Variants in PHACTR3 observed in about 807,000 individuals in gnomAD.
PHACTR3 encodes protein phosphatase 1, regulatory subunit 123.
In PHACTR3, 16 loss-of-function variants were observed where a neutral mutation model predicts 66.8. The ratio of observed to expected loss-of-function variants is 0.24; its 90% confidence interval spans 0.16 to 0.36. The LOEUF (loss-of-function observed/expected upper bound fraction) is 0.36. Ranked by LOEUF, PHACTR3 falls within the 10% of genes least tolerant of loss-of-function variation. The pLI is 1.00. For missense variants in PHACTR3, 647 were observed against 719.9 expected (o/e 0.90, Z 1.16); for synonymous variants, 323 against 292.1 (o/e 1.11, Z -1.08).
intron 1 of PHACTR3, 68 bp downstream of exon 1, chr20:59,605,200 C>T (rs987039951): frequency 5.4e-6 from 6 of 1,108,280 alleles, no homozygotes; most frequent in African/African-American, 4.9e-5. Context: ...GAGAGCAGGA[C>T]CCCGCGAGGC....
chr20:59,665,028 G>C (rs1353467850), intron 1 of PHACTR3, among the ~76,000 whole-genome samples: 1 of 152,088 alleles, frequency 6.6e-6, no homozygotes, highest in Non-Finnish European at 1.5e-5. Flanking sequence ...GATTTATTTG[G>C]TTTTATTTTA....
chr20:59,749,465 G>C (rs2039497335), intron 3 of PHACTR3, among the ~76,000 whole-genome samples: 1 of 152,198 alleles, frequency 6.6e-6, no homozygotes, highest in Non-Finnish European at 1.5e-5. Flanking sequence ...AGTCATAGCA[G>C]AGGCTGGAGA....
rs1285480192 is a variant in PHACTR3 at position 59,774,293 on chromosome 20, G to C, written c.977G>C (p.Arg326Pro). The C allele has an allele frequency of 6.2e-7, 1 of 1,610,472 alleles. No homozygotes were observed. The highest frequency in any genetic ancestry group is 1.7e-5 in the Admixed American group (1 of 59,128). The change falls in exon 7 of 13, where the codon CGT (arginine) becomes CCT (proline). Residue 326 changes from arginine to proline, a missense_variant. Coordinates refer to ENST00000371015, the MANE Select transcript of PHACTR3 (RefSeq NM_080672.5). ...KGSPKKRLDV[R>P]LSRTSSVERG... is the part of the protein sequence containing the mutation. ...TCTCCAAAGAAGCGGCTGGATGTCC[G>C]TCTGTCGAGAACGTCCAGCGTGGAG...
intron 1 of PHACTR3, among the ~76,000 whole-genome samples, chr20:59,689,120 G>A (rs753010033): frequency 9.8e-5 from 15 of 152,352 alleles, no homozygotes; most frequent in Admixed American, 4.6e-4. Flanking sequence ...TCTCTGCTGT[G>A]TGCAGGCTTT....
Position 59,747,855 on chromosome 20 carries a change from G to A in PHACTR3, c.358+20G>A. ...AGCAGGGTAAGTGGGACCCGTCCCT[G>A]GCTTGGAAGGGCACGGTGCTGGGAA... is the stretch of plus-strand genomic sequence containing the variant. On this transcript the variant is annotated intron_variant, in intron 3 of 12. Transcript: ENST00000371015. 2 of 1,611,196 alleles carry A rather than the reference G, an allele frequency of 1.2e-6. No homozygotes were observed. Among genetic ancestry groups the A allele is most frequent in the Non-Finnish European group, 1.7e-6 (2 of 1,177,948 alleles).
intron 1 of PHACTR3, among the ~76,000 whole-genome samples, chr20:59,681,339 G>A (rs1223361100): frequency 1.3e-5 from 2 of 152,148 alleles, no homozygotes; most frequent in East Asian, 3.9e-4. Flanking sequence ...GTGGAGTCTA[G>A]AGTACATGTG....
chr20:59,578,115 C>T (rs1170371387), intron 1 of PHACTR3, among the ~76,000 whole-genome samples: 1 of 152,238 alleles, frequency 6.6e-6, no homozygotes, highest in Non-Finnish European at 1.5e-5. Flanking sequence ...ACTGGCCCCT[C>T]GCCCCCTGCT....
rs748219728 is a variant in PHACTR3 at position 59,846,886 on chromosome 20, C to CT, written c.1665-228dup. On this transcript the variant is annotated intron_variant, in intron 12 of 12. Transcript: ENST00000371015. Reference sequence around the variant, plus strand: ...GGGCTTTTAACTCACAGGTTTAAAACTAAGTTCTAGATAGTCCTAAGAATT... The same window carrying CT: ...GGGCTTTTAACTCACAGGTTTAAAACTTAAGTTCTAGATAGTCCTAAGAATT... 2.0e-5 allele frequency among the ~76,000 whole-genome samples: 3 copies of CT among 152,296 alleles called. No homozygotes were observed. In the East Asian group the frequency reaches 5.8e-4, roughly 29 times the overall value.
intron 4 of PHACTR3, among the ~76,000 whole-genome samples, chr20:59,765,977 T>A (rs1320741380): frequency 6.6e-6 from 1 of 152,110 alleles, no homozygotes. Context: ...CACTCAAGAG[T>A]GTGCTGAGAG....
chr20:59,634,441 G>A (rs2034776897), intron 1 of PHACTR3, among the ~76,000 whole-genome samples: 1 of 152,166 alleles, frequency 6.6e-6, no homozygotes, highest in Non-Finnish European at 1.5e-5. Flanking sequence ...CAGAGTAACA[G>A]GTTAGGAGTG....
intron 1 of PHACTR3, among the ~76,000 whole-genome samples, chr20:59,707,622 A>G (rs1347438155): frequency 6.6e-6 from 1 of 151,948 alleles, no homozygotes; most frequent in Admixed American, 6.6e-5. Context: ...CATGCCACCA[A>G]GCCTGGCTAA....
At chr20:59,587,571 G>A (rs1254589240) in intron 1 of PHACTR3, among the ~76,000 whole-genome samples, 1 of 152,252 alleles carries the variant, frequency 6.6e-6, no homozygotes, top group Non-Finnish European at 1.5e-5. Context: ...TGGGTCAGGG[G>A]TGCAGGTGGG....
intron 1 of PHACTR3, among the ~76,000 whole-genome samples, chr20:59,650,249 G>T (rs553285833): frequency 6.6e-6 from 1 of 152,202 alleles, no homozygotes; most frequent in East Asian, 1.9e-4. Flanking sequence ...AATTAATAAG[G>T]TATGTGTGTA....
chr20:59,758,801 G>A (rs1266168236), intron 4 of PHACTR3, among the ~76,000 whole-genome samples: 1 of 152,136 alleles, frequency 6.6e-6, no homozygotes, highest in Non-Finnish European at 1.5e-5. Flanking sequence ...ACTGAGCTGT[G>A]GGACCATGGG....
chr20:59,657,176 C>T (rs1438414538), intron 1 of PHACTR3, among the ~76,000 whole-genome samples: 1 of 151,896 alleles, frequency 6.6e-6, no homozygotes, highest in East Asian at 1.9e-4. Flanking sequence ...TCCAATTCAT[C>T]TTTGCTCCCA....
chr20:59,826,170 G>T (rs1015802739), intron 8 of PHACTR3, among the ~76,000 whole-genome samples: 5 of 141,484 alleles, frequency 3.5e-5, no homozygotes, highest in Non-Finnish European at 7.7e-5. Context: ...GGAGGACAAG[G>T]TATGGGGAGG....
intron 4 of PHACTR3, among the ~76,000 whole-genome samples, chr20:59,762,939 G>A (rs1004577039): frequency 2.0e-5 from 3 of 152,226 alleles, no homozygotes; most frequent in Non-Finnish European, 4.4e-5. Flanking sequence ...AGAGAAGGAT[G>A]GCGTGGGGCA....
At chr20:59,740,220 TA>T (rs1348730841) in intron 1 of PHACTR3, among the ~76,000 whole-genome samples, 3 of 152,208 alleles carry the variant, frequency 2.0e-5, no homozygotes, top group African/African-American at 7.2e-5. Flanking sequence ...TCTAGACATA[TA>T]GATAATATTA....
At chr20:59,712,432 G>A (rs1354796158) in intron 1 of PHACTR3, among the ~76,000 whole-genome samples, 1 of 152,124 alleles carries the variant, frequency 6.6e-6, no homozygotes, top group African/African-American at 2.4e-5. Flanking sequence ...GCTTTGAGAT[G>A]CATTTCCAGG....
Sources: gnomAD v4.1 joint callset for allele counts (sites outside exome capture counted in the v4.1 genomes callset) on GRCh38, gnomAD v4.1.1 for gene constraint, MANE v1.5 for transcripts, NCBI Gene and HGNC (gene_info 2026-07-23, HGNC 2026-07-21) for gene names.